Variants in OPCML observed in about 807,000 individuals in gnomAD.
OPCML encodes the protein opioid-binding protein/cell adhesion molecule.
In OPCML, 13 loss-of-function variants were observed where a neutral mutation model predicts 37.8. That is an observed-to-expected ratio of 0.34 (90% confidence interval 0.22 to 0.55). The LOEUF (loss-of-function observed/expected upper bound fraction) is 0.55. Ranked by LOEUF, OPCML falls within the 20% of genes least tolerant of loss-of-function variation. OPCML has a pLI of 0.91. For missense variants in OPCML, 341 were observed against 435.6 expected (o/e 0.78, Z 1.93); for synonymous variants, 176 against 168.8 (o/e 1.04, Z -0.33).
At chr11:132,626,912 A>G (rs1939783727) in intron 3 of OPCML, among the ~76,000 whole-genome samples, 1 of 148,454 alleles carries the variant, frequency 6.7e-6, no homozygotes, top group Non-Finnish European at 1.5e-5. Context: ...TATATAAAAC[A>G]TATATAAAGC....
chr11:132,782,057 G>A (rs1289047410), intron 2 of OPCML, among the ~76,000 whole-genome samples: 1 of 150,118 alleles, frequency 6.7e-6, no homozygotes. Context: ...TTCATCTGCA[G>A]CCCCTCTCTT....
At chr11:133,333,577 A>G (rs1458955286) in intron 1 of OPCML, among the ~76,000 whole-genome samples, 1 of 152,252 alleles carries the variant, frequency 6.6e-6, no homozygotes, top group Non-Finnish European at 1.5e-5. Flanking sequence ...CTAGACAGGA[A>G]TGAGCAAAGA....
In OPCML at chr11:133,196,195, A is replaced by C. The variant is rs1471465150; in HGVS notation, c.62-253185T>G. 2.6e-5 allele frequency among the ~76,000 whole-genome samples: 4 copies of C among 152,212 alleles called. No homozygotes were observed. The East Asian group carries it at 7.7e-4, about 29-fold the overall frequency. ...TCTTAATGACTTTGGGGTTTACTGC[A>C]CCAAACCAGGTGTGGAATTTCCTGG... On this transcript the variant is annotated intron_variant, in intron 1 of 7. Coordinates refer to ENST00000524381, the MANE Select transcript of OPCML (RefSeq NM_001012393.5).
chr11:132,997,363 C>T (rs1946907005), intron 1 of OPCML, among the ~76,000 whole-genome samples: 1 of 152,210 alleles, frequency 6.6e-6, no homozygotes, highest in African/African-American at 2.4e-5. Flanking sequence ...GTGTTCCCTT[C>T]CCATGTAGAT....
chr11:133,106,123 C>T (rs1490635708), intron 1 of OPCML, among the ~76,000 whole-genome samples: 2 of 152,154 alleles, frequency 1.3e-5, no homozygotes, highest in Non-Finnish European at 2.9e-5. Flanking sequence ...TTTTAAAATT[C>T]CTCATTCCCC....
intron 3 of OPCML, among the ~76,000 whole-genome samples, chr11:132,622,527 T>C (rs995470719): frequency 3.3e-5 from 5 of 152,066 alleles, no homozygotes; most frequent in Non-Finnish European, 5.9e-5. Context: ...TGCTAGGAAA[T>C]TGACGTTTTC....
At chr11:133,461,382 T>G (rs1044163370) in intron 1 of OPCML, among the ~76,000 whole-genome samples, 3 of 151,856 alleles carry the variant, frequency 2.0e-5, no homozygotes, top group African/African-American at 7.2e-5. Flanking sequence ...ATAAATCAAT[T>G]CAGCAAAGTC....
At chr11:133,439,878 T>G (rs970517780) in intron 1 of OPCML, among the ~76,000 whole-genome samples, 1 of 152,132 alleles carries the variant, frequency 6.6e-6, no homozygotes, top group Non-Finnish European at 1.5e-5. Context: ...GAATATTATA[T>G]CATGACAAGC....
chr11:132,537,158 T>G (rs1440230947), intron 3 of OPCML, among the ~76,000 whole-genome samples: 1 of 152,228 alleles, frequency 6.6e-6, no homozygotes, highest in Non-Finnish European at 1.5e-5. Context: ...TAGCATTAAG[T>G]GCTGTATATA....
chr11:133,482,378 C>T (rs1316009634), intron 1 of OPCML, among the ~76,000 whole-genome samples: 3 of 152,232 alleles, frequency 2.0e-5, no homozygotes, highest in East Asian at 1.9e-4. Context: ...TCTGGTTCAC[C>T]GGTTTCATAC....
At position 133,174,237 on chromosome 11, in the gene OPCML, T is replaced by G. The variant is rs1039533751; in HGVS notation, c.62-231227A>C. ...GAAGGAAATGGAGCTCCGGAGTAACTCCTAGAAGGCGAAGCATGATTAGAA... is the reference window on the plus strand; with the variant it reads ...GAAGGAAATGGAGCTCCGGAGTAACGCCTAGAAGGCGAAGCATGATTAGAA... On this transcript the variant is annotated intron_variant, in intron 1 of 7. Coordinates refer to ENST00000524381, the MANE Select transcript of OPCML (RefSeq NM_001012393.5). This position sits in a 1 kb window ranked among gnomAD's most constrained non-coding sequence, Gnocchi z 4.6. 1.3e-5 allele frequency among the ~76,000 whole-genome samples: 2 copies of G among 152,074 alleles called. No individual in the cohort carries two copies. The highest frequency in any genetic ancestry group is 3.9e-4 in the East Asian group (2 of 5,182).
chr11:133,095,502 A>G (rs1317898777), intron 1 of OPCML, among the ~76,000 whole-genome samples: 1 of 149,294 alleles, frequency 6.7e-6, no homozygotes, highest in East Asian at 2.0e-4. Flanking sequence ...TAAATGAGAA[A>G]ATGAAAGGAT....
At position 132,520,076 on chromosome 11, in the gene OPCML, G is replaced by A. The variant is rs182714323; in HGVS notation, c.505+8985C>T. On this transcript the variant is annotated intron_variant, in intron 4 of 7. Transcript: ENST00000524381. ...GCTGTGCTTTTGTTAGAACAATACT[G>A]AGTGGAAGCTAGAAAGAGACTAGAC... 3.3e-5 allele frequency among the ~76,000 whole-genome samples: 5 copies of A among 152,318 alleles called. No individual in the cohort carries two copies. The East Asian group carries it at 9.6e-4, about 29-fold the overall frequency.
rs537015289 is a variant in OPCML, at chr11:132,925,569, CAA to C, written c.146+17355_146+17356del. 6.8e-4 allele frequency among the ~76,000 whole-genome samples: 103 copies of C among 152,268 alleles called. 1 individual carries two copies. The South Asian group carries it at 0.01, about 15-fold the overall frequency. On this transcript the variant is annotated intron_variant, in intron 2 of 7. Transcript: ENST00000524381. ...TATGGGGACTCCGCAAGGACTTATT[CAA>C]AAGTTTTACATTTCAAGTTAGTCTA...
chr11:133,525,512 T>C (rs866975265), intron 1 of OPCML, among the ~76,000 whole-genome samples: 2 of 152,152 alleles, frequency 1.3e-5, no homozygotes, highest in Non-Finnish European at 2.9e-5. Context: ...GAAGTCTACA[T>C]AGGGTTTTAG....
chr11:133,095,317 T>C (rs1412771992), intron 1 of OPCML, among the ~76,000 whole-genome samples: 1 of 131,248 alleles, frequency 7.6e-6, no homozygotes, highest in Non-Finnish European at 1.6e-5. Flanking sequence ...GCTGCACGTG[T>C]ATTTTTGTTT....
chr11:133,064,016 TTTTCTTTC>T (rs55825694), intron 1 of OPCML, among the ~76,000 whole-genome samples: 3 of 152,030 alleles, frequency 2.0e-5, no homozygotes, highest in African/African-American at 7.2e-5. Context: ...ATGGCTTTAA[TTTTCTTTC>T]TTTCTTTCTT....
At chr11:133,167,527 C>T (rs1361148216) in intron 1 of OPCML, among the ~76,000 whole-genome samples, 494 of 143,510 alleles carry the variant, frequency 3.4e-3, no homozygotes, top group African/African-American at 0.012. Context: ...CTTTCTTTCT[C>T]TTTTTTTTTT....
intron 1 of OPCML, chr11:133,298,085 C>G (rs576232937): frequency 2.0e-5 from 3 of 152,240 alleles, no homozygotes; most frequent in African/African-American, 4.8e-5. Flanking sequence ...TCATCTCCTC[C>G]TTTTCCTTCT....
Sources: allele counts gnomAD v4.1 joint callset (sites outside exome capture counted in the v4.1 genomes callset), GRCh38; gene constraint gnomAD v4.1.1; non-coding constraint Gnocchi (gnomAD v3.1); transcripts MANE v1.5; gene names NCBI Gene and HGNC (gene_info 2026-07-23, HGNC 2026-07-21).